HFM1: variants seen among roughly 807,000 people sequenced by gnomAD.
HFM1 encodes the protein probable ATP-dependent DNA helicase HFM1.
In HFM1, 169 loss-of-function variants were observed where a neutral mutation model predicts 192.1. That is an observed-to-expected ratio of 0.88 (90% CI 0.78 to 1.00). The LOEUF (loss-of-function observed/expected upper bound fraction) is 1.00. Ranked by LOEUF, HFM1 falls within the 50% of genes least tolerant of loss-of-function variation. HFM1 has a pLI of 0.00. For missense variants in HFM1, 1,661 were observed against 1,668.0 expected (o/e 1.00, Z 0.07); for synonymous variants, 525 against 537.8 (o/e 0.98, Z 0.33).
At chr1:91,374,510 A>G (rs906471333) in intron 13 of HFM1, among the ~76,000 whole-genome samples, 1 of 152,178 alleles carries the variant, frequency 6.6e-6, no homozygotes, top group Non-Finnish European at 1.5e-5. Context: ...ACAAAATGAC[A>G]TATTTGAGAT....
In HFM1 at chr1:91,381,997, C is replaced by T. The variant is rs144916596; in HGVS notation, c.803-1015G>A. ...CGTCTCCCCACTGCCACTCCCTCCCCGCATCAGCCCCTGCCTTTATCTCTC... is the reference window on the plus strand; with the variant it reads ...CGTCTCCCCACTGCCACTCCCTCCCTGCATCAGCCCCTGCCTTTATCTCTC... On this transcript the variant is annotated intron_variant, in intron 6 of 38. Transcript: ENST00000370425. Among the ~76,000 whole-genome samples, 343 of 152,214 alleles carry T rather than the reference C, an allele frequency of 2.3e-3. 1 individual carries two copies. The highest frequency in any genetic ancestry group is 7.8e-3 in the African/African-American group (325 of 41,568).
At chr1:91,369,419 C>A (rs1318736508) in intron 13 of HFM1, among the ~76,000 whole-genome samples, 1 of 152,184 alleles carries the variant, frequency 6.6e-6, no homozygotes, top group East Asian at 1.9e-4. Flanking sequence ...ACAGTGCAAT[C>A]ACACTAGAAC....
intron 4 of HFM1, among the ~76,000 whole-genome samples, chr1:91,393,554 A>C (rs1324383231): frequency 6.6e-6 from 1 of 152,142 alleles, no homozygotes; most frequent in Non-Finnish European, 1.5e-5. Context: ...TAATCACTTA[A>C]GTCCTGTGGG....
In HFM1 at chr1:91,396,274, C is replaced by T. The variant is rs906992563; in HGVS notation, c.184+19G>A. On this transcript the variant is annotated intron_variant, in intron 3 of 38. Coordinates refer to ENST00000370425, the MANE Select transcript of HFM1 (RefSeq NM_001017975.6). ...GAACTGTATGGGTTTGGCTTCAAAA[C>T]AAATATGTGATAATTTACCTAACAG... 4.7e-6 allele frequency: 6 copies of T among 1,276,562 alleles called. No homozygotes were observed. In the African/African-American group the frequency reaches 7.4e-5, roughly 16 times the overall value. The allele number at this position is 1,276,562 out of a possible 1,614,324, so 79.1% of individuals were successfully genotyped here.
At chr1:91,292,530 C>A (rs1668891447) in intron 30 of HFM1, among the ~76,000 whole-genome samples, 1 of 151,516 alleles carries the variant, frequency 6.6e-6, no homozygotes, top group African/African-American at 2.4e-5. Context: ...GAACTACAAA[C>A]CACTGCTCAA....
chr1:91,395,007 A>C (rs922290558), intron 3 of HFM1, among the ~76,000 whole-genome samples: 1 of 151,330 alleles, frequency 6.6e-6, no homozygotes, highest in Non-Finnish European at 1.5e-5. Context: ...ACTATGCTAT[A>C]TATTATTTGA....
chr1:91,364,632 A>ATATATATTTTT (rs753472335), intron 13 of HFM1, among the ~76,000 whole-genome samples: 23 of 66,766 alleles, frequency 3.4e-4, no homozygotes, highest in East Asian at 5.0e-4. Flanking sequence ...ATATATATAT[A>ATATATATTTTT]TTTTTTTTTT....
chr1:91,327,342 C>A (rs1364027849), intron 20 of HFM1, among the ~76,000 whole-genome samples: 1 of 152,124 alleles, frequency 6.6e-6, no homozygotes, highest in African/African-American at 2.4e-5. Flanking sequence ...ACGGCAAAAC[C>A]CCATCTCTAC....
chr1:91,304,755 T>C (rs1293714330), intron 30 of HFM1, among the ~76,000 whole-genome samples: 1 of 151,876 alleles, frequency 6.6e-6, no homozygotes, highest in Non-Finnish European at 1.5e-5. Context: ...CTGGGATTAC[T>C]GGTGTTAGCC....
intron 32 of HFM1, among the ~76,000 whole-genome samples, 177 bp from the exon 33 acceptor site, chr1:91,274,986 T>TA (rs11369914): frequency 1.6e-4 from 1 of 6,358 alleles, no homozygotes; most frequent in Non-Finnish European, 2.5e-4. Flanking sequence ...AATGTTGGCA[T>TA]TTTTTTTTTT....
chr1:91,287,820 G>A (rs1252662540), intron 30 of HFM1, among the ~76,000 whole-genome samples: 5 of 151,976 alleles, frequency 3.3e-5, no homozygotes, highest in Admixed American at 2.0e-4. Context: ...GTGCTTAAAG[G>A]AGCTGATGGA....
upstream of HFM1, among the ~76,000 whole-genome samples, chr1:91,405,431 A>G (rs1002061301): frequency 4.6e-5 from 7 of 152,242 alleles, no homozygotes; most frequent in Admixed American, 1.3e-4. Flanking sequence ...TGTTTTGTAG[A>G]TGATAAAATA....
rs572017537 is a variant in HFM1 at position 91,344,049 on chromosome 1, CT to C, written c.2255-540del. ...ATTCCAAAAACCACCAGTTCTTCCC[CT>C]CCTCCCTGTTTGCCACTTTCTTGAA... On this transcript the variant is annotated intron_variant, in intron 19 of 38. Coordinates refer to ENST00000370425, the MANE Select transcript of HFM1 (RefSeq NM_001017975.6). Among the ~76,000 whole-genome samples the C allele has an allele frequency of 4.4e-3, 665 of 152,316 alleles. 5 individuals are homozygous for C. Among genetic ancestry groups the C allele is most frequent in the Admixed American group, 9.1e-3 (139 of 15,296 alleles).
intron 30 of HFM1, among the ~76,000 whole-genome samples, chr1:91,285,927 C>T (rs1667922069): frequency 6.6e-6 from 1 of 152,126 alleles, no homozygotes; most frequent in African/African-American, 2.4e-5. Context: ...TGGTAGGTGT[C>T]TCAATGATCA....
chr1:91,313,354 T>C lies in HFM1; in HGVS notation c.3386A>G (p.Asn1129Ser). ...HSDISTIAGP[N>S]KGTTASKKPG... The stretch of plus-strand genomic sequence containing the variant: ...GAATTAATACAGCTATTTACCTTTA[T>C]TAGGTCCTGCTATTGTAGATATGTC... Residue 1129 changes from asparagine (N) to serine (S), a missense_variant, in exon 30 of 39, where the codon AAT (asparagine) becomes AGT (serine). Asn to Ser is a conservative substitution (Grantham distance 46, BLOSUM62 1). Transcript: ENST00000370425. 6.4e-7 allele frequency: 1 copy of C among 1,560,062 alleles called. No individual in the cohort carries two copies. The highest frequency in any genetic ancestry group is 8.8e-7 in the Non-Finnish European group (1 of 1,141,932).
chr1:91,268,127 T>G (rs79567783), intron 34 of HFM1, among the ~76,000 whole-genome samples: 16,076 of 152,066 alleles, frequency 0.11, 946 homozygotes, highest in Middle Eastern at 0.16. Flanking sequence ...TCAAGCATTG[T>G]TGAATACTGT....
chr1:91,334,790 G>A (rs281977), intron 20 of HFM1, among the ~76,000 whole-genome samples: 134,634 of 150,758 alleles, frequency 0.89, 60,161 homozygotes, highest in Middle Eastern at 0.95. Flanking sequence ...TTAGCTGGGC[G>A]TGGTGGCGGG....
At chr1:91,377,231 T>C (rs1661011152) in intron 11 of HFM1, among the ~76,000 whole-genome samples, 2 of 151,956 alleles carry the variant, frequency 1.3e-5, no homozygotes. Flanking sequence ...TTTTTCTATA[T>C]TATTCTTGAA....
intron 20 of HFM1, among the ~76,000 whole-genome samples, chr1:91,337,370 A>G (rs976607504): frequency 6.6e-6 from 1 of 152,216 alleles, no homozygotes; most frequent in African/African-American, 2.4e-5. Context: ...AGCAAAAACT[A>G]TATGAAGCAG....
Sources: gnomAD v4.1 joint callset for allele counts (sites outside exome capture counted in the v4.1 genomes callset) on GRCh38, gnomAD v4.1.1 for gene constraint, MANE v1.5 for transcripts, NCBI Gene and HGNC (gene_info 2026-07-23, HGNC 2026-07-21) for gene names.